Variants in CNTNAP2 observed in about 807,000 individuals in gnomAD.
CNTNAP2 encodes the protein contactin associated protein 2.
In CNTNAP2, 98 loss-of-function variants were observed where a neutral mutation model predicts 155.2. The ratio of observed to expected loss-of-function variants is 0.63; its 90% CI spans 0.54 to 0.75. The LOEUF (loss-of-function observed/expected upper bound fraction) is 0.75, where lower values mean the gene tolerates loss of function less well. CNTNAP2 is among the 30% of genes least tolerant of loss of function. The pLI, the probability that CNTNAP2 is intolerant of heterozygous loss-of-function variation, is 0.00. For missense variants in CNTNAP2, 1,727 were observed against 1,688.1 expected, an observed-to-expected ratio of 1.02 and a Z score of -0.40; for synonymous variants, 651 against 631.2, an observed-to-expected ratio of 1.03 and a Z score of -0.47.
chr7:147,874,040 G>A (rs1799379995), intron 13 of CNTNAP2, among the ~76,000 whole-genome samples: 1 of 152,174 alleles, frequency 6.6e-6, no homozygotes. Context: ...ACAGCCTTGG[G>A]CAGCTCTGCC....
At chr7:146,899,067 C>G (rs916106017) in intron 3 of CNTNAP2, among the ~76,000 whole-genome samples, 3 of 152,146 alleles carry the variant, frequency 2.0e-5, no homozygotes, top group Admixed American at 6.5e-5. Context: ...AAAATAGCCT[C>G]TTTAGTTTCT....
chr7:148,356,162 AATC>A (rs1386465064), intron 21 of CNTNAP2, among the ~76,000 whole-genome samples: 1 of 152,262 alleles, frequency 6.6e-6, no homozygotes, highest in Non-Finnish European at 1.5e-5. Flanking sequence ...ATTAAAAAGA[AATC>A]ATCACATAGT....
At chr7:146,158,715 C>A (rs10275089) in intron 1 of CNTNAP2, among the ~76,000 whole-genome samples, 1,837 of 152,232 alleles carry the variant, frequency 0.012, 26 homozygotes, top group African/African-American at 0.041. Context: ...CAGAAATGAA[C>A]AAAGCTTCCA....
At position 148,308,812 on chromosome 7, in the gene CNTNAP2, T is replaced by G. The variant is rs549698440; in HGVS notation, c.3475+41686T>G. 1.0e-4 allele frequency among the ~76,000 whole-genome samples: 15 copies of G among 148,450 alleles called. No homozygotes were observed. The East Asian group carries it at 2.2e-3, about 22-fold the overall frequency. ...TCATTGTTCAGCTCCCACCTGTGAG[T>G]GAGAACATGCAGTGTTTGGTTTTCT... On this transcript the variant is annotated intron_variant, in intron 21 of 23. Transcript: ENST00000361727.
chr7:146,975,525 A>G (rs972107346), intron 3 of CNTNAP2, among the ~76,000 whole-genome samples: 1 of 152,174 alleles, frequency 6.6e-6, no homozygotes, highest in African/African-American at 2.4e-5. Context: ...CGTAATCCAC[A>G]TCACTGCTGT....
rs1797562261 is a variant in CNTNAP2, at chr7:147,775,350, TATATATATTTATAA to T, written c.2099-128206_2099-128193del. 5.6e-5 allele frequency among the ~76,000 whole-genome samples: 2 copies of T among 35,930 alleles called. 1 individual carries two copies. The highest frequency in any genetic ancestry group is 5.9e-4 in the African/African-American group (2 of 3,362). The allele number at this position is 35,930 out of a possible 152,430, so 23.6% of individuals were successfully genotyped here. On this transcript the variant is annotated intron_variant, in intron 13 of 23. Coordinates refer to ENST00000361727, the MANE Select transcript of CNTNAP2 (RefSeq NM_014141.6). ...ATATATATTTATAAATATATATATT[TATATATATTTATAA>T]ATATATATATATTTATATATATTTA...
intron 22 of CNTNAP2, among the ~76,000 whole-genome samples, chr7:148,391,172 A>G (rs1022743365): frequency 6.6e-6 from 1 of 152,254 alleles, no homozygotes; most frequent in Non-Finnish European, 1.5e-5. Context: ...CAGGCAATAG[A>G]ATTACTCAGT....
At chr7:146,750,812 C>T (rs1377000696) in intron 1 of CNTNAP2, among the ~76,000 whole-genome samples, 2 of 152,038 alleles carry the variant, frequency 1.3e-5, no homozygotes, top group Non-Finnish European at 2.9e-5. Flanking sequence ...AAATATATAA[C>T]TGGAGAAATT....
chr7:146,159,338 A>T (rs991940671), intron 1 of CNTNAP2, among the ~76,000 whole-genome samples: 1 of 152,204 alleles, frequency 6.6e-6, no homozygotes, highest in Non-Finnish European at 1.5e-5. Flanking sequence ...TCAACTAATG[A>T]GCAAAATAAC....
At chr7:146,683,338 G>A (rs548370711) in intron 1 of CNTNAP2, among the ~76,000 whole-genome samples, 2 of 152,230 alleles carry the variant, frequency 1.3e-5, no homozygotes, top group South Asian at 2.1e-4. Flanking sequence ...CGGCCAAGTC[G>A]TTACCTAAAA....
intron 1 of CNTNAP2, among the ~76,000 whole-genome samples, chr7:146,267,847 AT>A (rs573332294): frequency 1.4e-4 from 22 of 152,198 alleles, no homozygotes; most frequent in Non-Finnish European, 3.2e-4. Flanking sequence ...TTCTATAGAT[AT>A]AAAAATTAAA....
intron 2 of CNTNAP2, among the ~76,000 whole-genome samples, chr7:146,793,277 A>C (rs1802706689): frequency 6.6e-6 from 1 of 152,198 alleles, no homozygotes; most frequent in African/African-American, 2.4e-5. Flanking sequence ...TTCTCCTATA[A>C]ATGAATTATC....
At chr7:148,255,647 C>T (rs1796442805) in intron 20 of CNTNAP2, among the ~76,000 whole-genome samples, 1 of 152,120 alleles carries the variant, frequency 6.6e-6, no homozygotes, top group Non-Finnish European at 1.5e-5. Flanking sequence ...TTACTCTAGA[C>T]CTTAAGAGGC....
rs1177502817 is a variant in CNTNAP2, at chr7:148,420,800, A to T, written c.*5184A>T. The stretch of plus-strand genomic sequence containing the variant: ...AGCTGGGCTAAATATTCTTTCTGTA[A>T]AGTCAAACAGGATTCCATCCCCTGT... On this transcript the variant is annotated 3_prime_UTR_variant, in exon 24 of 24. Transcript: ENST00000361727. The T allele has an allele frequency of 6.6e-6, 1 of 152,616 alleles. No individual in the cohort carries two copies. The highest frequency in any genetic ancestry group is 1.5e-5 in the Non-Finnish European group (1 of 68,038). 9.5% of individuals were successfully genotyped at this position (152,616 alleles called of 1,614,324 possible).
At chr7:147,049,077 C>T (rs960573246) in intron 4 of CNTNAP2, among the ~76,000 whole-genome samples, 3 of 152,188 alleles carry the variant, frequency 2.0e-5, no homozygotes, top group Non-Finnish European at 2.9e-5. Context: ...GGACCTGCAT[C>T]TGGCGAAGGC....
chr7:148,409,625 T>C (rs1799781080), intron 23 of CNTNAP2, among the ~76,000 whole-genome samples, 154 bp downstream of exon 23: 1 of 151,854 alleles, frequency 6.6e-6, no homozygotes, highest in Non-Finnish European at 1.5e-5. Flanking sequence ...TGAAGAAATA[T>C]AGTAAATATA....
At chr7:148,120,784 A>T (rs932696754) in intron 16 of CNTNAP2, among the ~76,000 whole-genome samples, 3 of 152,142 alleles carry the variant, frequency 2.0e-5, no homozygotes, top group African/African-American at 7.2e-5. Flanking sequence ...AGCCCCCTGT[A>T]TCTACTAATA....
chr7:147,011,425 A>C (rs1216532229), intron 3 of CNTNAP2, among the ~76,000 whole-genome samples: 2 of 148,378 alleles, frequency 1.3e-5, no homozygotes, highest in Non-Finnish European at 3.0e-5. Context: ...TCTCAAAAAA[A>C]AAAAAAAAAA....
At chr7:147,175,535 T>A (rs1038845150) in intron 8 of CNTNAP2, among the ~76,000 whole-genome samples, 2 of 152,276 alleles carry the variant, frequency 1.3e-5, no homozygotes, top group African/African-American at 4.8e-5. Context: ...AACCTGCCCT[T>A]CCCTCCCAGT....
Sources: allele counts gnomAD v4.1 joint callset (sites outside exome capture counted in the v4.1 genomes callset), GRCh38; gene constraint gnomAD v4.1.1; transcripts MANE v1.5; gene names NCBI Gene and HGNC (gene_info 2026-07-23, HGNC 2026-07-21).